The following ATRNL1 variants were observed in gnomAD, a reference collection of about 807,000 sequenced individuals.
ATRNL1 encodes attractin like 1, also known as attractin-like protein 1.
A neutral mutation model predicts 182.7 loss-of-function variants in ATRNL1; 95 were observed. The observed-to-expected ratio is 0.52, with a 90% CI of 0.44 to 0.62. ATRNL1 has a LOEUF of 0.62. Among genes scored for constraint, ATRNL1 ranks in the 20% least tolerant of loss-of-function variants. ATRNL1 has a pLI of 0.00. For synonymous variants in ATRNL1, 576 were observed against 568.3 expected (o/e 1.01, Z -0.19); for missense variants, 1,471 against 1,679.5 (o/e 0.88, Z 2.17).
chr10:115,785,929 A>G (rs1179168924), intron 27 of ATRNL1, among the ~76,000 whole-genome samples: 2 of 152,158 alleles, frequency 1.3e-5, no homozygotes. Context: ...ATTTCTTTAT[A>G]ACAAGCACTG....
At chr10:115,776,660 A>G (rs1565369459) in intron 27 of ATRNL1, among the ~76,000 whole-genome samples, 1 of 151,710 alleles carries the variant, frequency 6.6e-6, no homozygotes, top group Non-Finnish European at 1.5e-5. Flanking sequence ...CCTGTGTGCA[A>G]AGGAACCAGT....
chr10:115,718,895 A>AT (rs1396980539), intron 26 of ATRNL1, among the ~76,000 whole-genome samples: 3 of 151,764 alleles, frequency 2.0e-5, no homozygotes, highest in South Asian at 2.1e-4. Flanking sequence ...AGTCTCTGGT[A>AT]TTTTTTTTGC....
At chr10:115,379,664 C>T (rs1280905880) in intron 19 of ATRNL1, among the ~76,000 whole-genome samples, 2 of 152,134 alleles carry the variant, frequency 1.3e-5, no homozygotes, top group African/African-American at 2.4e-5. Context: ...TAATATATCA[C>T]GGTGTGTCTT....
rs1413714941 is a variant in ATRNL1 at position 115,234,125 on chromosome 10, T to C, written c.1533-7446T>C. Among the ~76,000 whole-genome samples the C allele has an allele frequency of 2.6e-5, 4 of 152,238 alleles. 1 individual carries two copies. The highest frequency in any genetic ancestry group is 2.6e-4 in the Admixed American group (4 of 15,282). On this transcript the variant is annotated intron_variant, in intron 9 of 28. Transcript: ENST00000355044. ...TAGGTCTGATGTTTTCTTCAGGGTG[T>C]AGAGTTTTAACTACTGAATTCAATA...
At chr10:115,185,267 G>T (rs1847899273) in intron 8 of ATRNL1, among the ~76,000 whole-genome samples, 1 of 152,022 alleles carries the variant, frequency 6.6e-6, no homozygotes, top group African/African-American at 2.4e-5. Context: ...CCCAGATCTG[G>T]TTTGTAATAT....
intron 3 of ATRNL1, among the ~76,000 whole-genome samples, chr10:115,125,326 G>A (rs1844919156): frequency 6.6e-6 from 1 of 152,130 alleles, no homozygotes; most frequent in African/African-American, 2.4e-5. Flanking sequence ...TGGCCCGAAG[G>A]TTGCCTAGCT....
intron 18 of ATRNL1, among the ~76,000 whole-genome samples, chr10:115,323,430 C>G (rs1269753784): frequency 1.4e-5 from 2 of 138,648 alleles, no homozygotes; most frequent in African/African-American, 5.4e-5. Context: ...CTCCCCTCCC[C>G]TCCCCTCCCC....
At chr10:115,387,809 T>G (rs1233637299) in intron 19 of ATRNL1, among the ~76,000 whole-genome samples, 1 of 152,238 alleles carries the variant, frequency 6.6e-6, no homozygotes, top group Non-Finnish European at 1.5e-5. Context: ...ATGGATATTT[T>G]ATCATTTATA....
intron 26 of ATRNL1, among the ~76,000 whole-genome samples, chr10:115,714,330 G>GA (rs34155651): frequency 0.38 from 55,815 of 147,324 alleles, 11,151 homozygotes; most frequent in East Asian, 0.59. Context: ...TGGGTGAAAA[G>GA]AAAAAAAAAA....
intron 27 of ATRNL1, among the ~76,000 whole-genome samples, chr10:115,760,999 T>G (rs1948721088): frequency 6.6e-6 from 1 of 152,110 alleles, no homozygotes; most frequent in Non-Finnish European, 1.5e-5. Context: ...TCCTAAGGAG[T>G]AAAGTCATGA....
chr10:115,923,297 A>T lies in ATRNL1; in HGVS notation c.4019-21361A>T, dbSNP rs149175692. On this transcript the variant is annotated intron_variant, in intron 28 of 28. Transcript: ENST00000355044. ...TAGAATTCTATTTTTCTTAAATTTT[A>T]CTTTAAGTTCTGGGACACAGGTATA... Among the ~76,000 whole-genome samples the T allele has an allele frequency of 8.8e-3, 1,338 of 152,318 alleles. 8 individuals are homozygous for T. Among genetic ancestry groups the T allele is most frequent in the Non-Finnish European group, 0.015 (989 of 68,030 alleles).
intron 28 of ATRNL1, among the ~76,000 whole-genome samples, chr10:115,884,527 G>A (rs1361031968): frequency 6.6e-6 from 1 of 152,180 alleles, no homozygotes; most frequent in African/African-American, 2.4e-5. Context: ...AGAACAAATT[G>A]CATGTTACAG....
At chr10:115,407,450 T>G (rs1407721410) in intron 20 of ATRNL1, among the ~76,000 whole-genome samples, 2 of 152,176 alleles carry the variant, frequency 1.3e-5, no homozygotes, top group Non-Finnish European at 2.9e-5. Flanking sequence ...CAACTTTTTT[T>G]TTTTAGCTTC....
chr10:115,698,298 G>T (rs1006295250), intron 26 of ATRNL1, among the ~76,000 whole-genome samples: 7 of 152,212 alleles, frequency 4.6e-5, no homozygotes, highest in Non-Finnish European at 8.8e-5. Flanking sequence ...TAAAATACTG[G>T]ATTTATATCC....
At chr10:115,554,147 T>C (rs1186074813) in intron 26 of ATRNL1, among the ~76,000 whole-genome samples, 1 of 151,590 alleles carries the variant, frequency 6.6e-6, no homozygotes, top group East Asian at 1.9e-4. Context: ...AAACACATGC[T>C]TTTTAAAACT....
intron 26 of ATRNL1, among the ~76,000 whole-genome samples, chr10:115,593,317 G>A (rs1592915642): frequency 6.6e-6 from 1 of 152,160 alleles, no homozygotes; most frequent in Admixed American, 6.5e-5. Context: ...GCAAAGCCGA[G>A]GTATCTCACA....
At chr10:115,549,558 C>G (rs1554994936) in intron 26 of ATRNL1, 22 bp downstream of exon 26, 1 of 1,525,504 alleles carries the variant, frequency 6.6e-7, no homozygotes. Flanking sequence ...ATTATTTAAT[C>G]TTTTGTTTAA....
chr10:115,280,015 T>C (rs1244131999), intron 13 of ATRNL1, among the ~76,000 whole-genome samples: 2 of 152,194 alleles, frequency 1.3e-5, no homozygotes, highest in Non-Finnish European at 2.9e-5. Flanking sequence ...AATCATTGCA[T>C]GGTTGAAGGA....
intron 19 of ATRNL1, among the ~76,000 whole-genome samples, chr10:115,390,554 A>G (rs1350453147): frequency 6.6e-6 from 1 of 151,918 alleles, no homozygotes; most frequent in African/African-American, 2.4e-5. Flanking sequence ...CTTTTTCTTT[A>G]TGTTGGCACT....
Sources: gnomAD v4.1 joint callset for allele counts (sites outside exome capture counted in the v4.1 genomes callset) on GRCh38, gnomAD v4.1.1 for gene constraint, MANE v1.5 for transcripts, NCBI Gene and HGNC (gene_info 2026-07-23, HGNC 2026-07-21) for gene names.